The following SPR variants were observed in gnomAD, a reference collection of about 807,000 sequenced individuals.
SPR encodes Sepiapterin reductase (L-erythro-7,8-dihydrobiopterin forming).
Under a neutral mutation model 16.0 loss-of-function variants are expected in SPR, and 12 were observed. The observed-to-expected ratio is 0.75, with a 90% CI of 0.48 to 1.22. The LOEUF is 1.22. Ranked by LOEUF, SPR falls within the 50% of genes most tolerant of loss-of-function variation. The pLI is 0.00. For missense variants in SPR, 324 were observed against 344.4 expected, an observed-to-expected ratio of 0.94 and a Z score of 0.47; for synonymous variants, 177 against 168.5, an observed-to-expected ratio of 1.05 and a Z score of -0.39.
chr2:72,891,725 A>G lies in SPR; in HGVS notation c.*188A>G. The G allele has an allele frequency of 1.4e-6, 1 of 698,026 alleles. No individual in the cohort carries two copies. Among genetic ancestry groups the G allele is most frequent in the South Asian group, 1.7e-5 (1 of 60,362 alleles). The allele number at this position is 698,026 out of a possible 1,614,324, so 43.2% of individuals were successfully genotyped here. A position where few individuals can be genotyped will look rare whatever the true frequency, so the allele number is the denominator to read the frequency against. On this transcript the variant is annotated 3_prime_UTR_variant, in exon 3 of 3. Transcript: ENST00000234454. ...GTCATTGGCCTTACCAGTTGTCAGGAGTCTGTGCTGTGCACCCTGGGTTAT... is the reference window on the plus strand; with the variant it reads ...GTCATTGGCCTTACCAGTTGTCAGGGGTCTGTGCTGTGCACCCTGGGTTAT...
chr2:72,887,740 A>C lies in SPR; in HGVS notation c.304+4A>C. 1 of 1,510,102 alleles carries C rather than the reference A, an allele frequency of 6.6e-7. No homozygotes were observed. The highest frequency in any genetic ancestry group is 8.8e-7 in the Non-Finnish European group (1 of 1,135,830). 93.5% of individuals were successfully genotyped at this position (1,510,102 alleles called of 1,614,324 possible). A position where few individuals can be genotyped will look rare whatever the true frequency, so the allele number is the denominator to read the frequency against. ...CTGCTGCTTATCAACAACGCGGGTA[A>C]GACCCCGGGGCTGGAGCGGACTCCC... On this transcript the variant is annotated splice_donor_region_variant and intron_variant, in intron 1 of 2. Transcript: ENST00000234454.
At chr2:72,888,882 T>G (rs948733493) in intron 2 of SPR, among the ~76,000 whole-genome samples, 13 of 152,138 alleles carry the variant, frequency 8.5e-5, no homozygotes, top group Non-Finnish European at 1.9e-4. Context: ...GGGGTTTGAG[T>G]TCCAGGCCTT....
At chr2:72,891,044 G>C (rs546799427) in intron 2 of SPR, among the ~76,000 whole-genome samples, 2 of 152,300 alleles carry the variant, frequency 1.3e-5, no homozygotes, top group South Asian at 2.1e-4. Flanking sequence ...TCTGGGAAAA[G>C]AATACTTCAT....
Position 72,888,566 on chromosome 2 carries a change from T to A in SPR, c.557T>A (p.Leu186Gln), listed in dbSNP as rs1322684901. Residue 186 changes from leucine to glutamine, a missense_variant, in exon 2 of 3, where the codon CTG (leucine) becomes CAG (glutamine). Transcript: ENST00000234454. Reference sequence around the variant, plus strand: ...GATATGCTGTTCCAGGTCCTGGCGCTGGAGGAACCTAATGTGAGGGTGCTG... The same window carrying A: ...GATATGCTGTTCCAGGTCCTGGCGCAGGAGGAACCTAATGTGAGGGTGCTG... ...ARDMLFQVLALEEPNVRVLNY... is the reference protein window; with the variant it reads ...ARDMLFQVLAQEEPNVRVLNY... The A allele has an allele frequency of 3.8e-6, 6 of 1,597,074 alleles. No individual in the cohort carries two copies. The South Asian group carries it at 5.6e-5, about 15-fold the overall frequency.
intron 2 of SPR, among the ~76,000 whole-genome samples, chr2:72,890,417 C>T (rs1670600233): frequency 6.6e-6 from 1 of 152,250 alleles, no homozygotes; most frequent in Admixed American, 6.5e-5. Flanking sequence ...ATCTCGGCCA[C>T]TGCAAGCTCC....
rs2105240330 is a variant in SPR, at chr2:72,887,740, A to G, written c.304+4A>G. On this transcript the variant is annotated splice_donor_region_variant and intron_variant, in intron 1 of 2. Coordinates refer to ENST00000234454, the MANE Select transcript of SPR (RefSeq NM_003124.5). ...CTGCTGCTTATCAACAACGCGGGTA[A>G]GACCCCGGGGCTGGAGCGGACTCCC... is the stretch of plus-strand genomic sequence containing the variant. 6.6e-7 allele frequency: 1 copy of G among 1,510,102 alleles called. No homozygotes were observed. The highest frequency in any genetic ancestry group is 2.6e-5 in the East Asian group (1 of 38,506). The allele number at this position is 1,510,102 out of a possible 1,614,324, so 93.5% of individuals were successfully genotyped here. A position where few individuals can be genotyped will look rare whatever the true frequency, so the allele number is the denominator to read the frequency against.
rs1348965397 is a variant in SPR, at chr2:72,891,459, G to A, written c.708G>A (p.Val236=). Residue 236 remains valine, a synonymous_variant, in exon 3 of 3, where the codon GTG becomes GTA. Coordinates refer to ENST00000234454, the MANE Select transcript of SPR (RefSeq NM_003124.5). Reference sequence around the variant, plus strand: ...AGGGGAAGCTGGTGGATTGCAAGGTGTCAGCCCAGAAACTGCTGAGCTTAC... The same window carrying A: ...AGGGGAAGCTGGTGGATTGCAAGGTATCAGCCCAGAAACTGCTGAGCTTAC... ...KAKGKLVDCK[V]SAQKLLSLLE... The A allele has an allele frequency of 1.2e-6, 2 of 1,614,152 alleles. No individual in the cohort carries two copies. Among genetic ancestry groups the A allele is most frequent in the African/African-American group, 2.7e-5 (2 of 74,958 alleles).
At position 72,891,561 on chromosome 2, in the gene SPR, C is replaced by T. The variant is rs748970098; in HGVS notation, c.*24C>T. On this transcript the variant is annotated 3_prime_UTR_variant, in exon 3 of 3. Transcript: ENST00000234454. Reference sequence around the variant, plus strand: ...AAGCCCATGTTTTTGGCTTCCTGAACCTTTTTGCCCCCACTTTTAGACATA... The same window carrying T: ...AAGCCCATGTTTTTGGCTTCCTGAATCTTTTTGCCCCCACTTTTAGACATA... 3 of 1,613,930 alleles carry T rather than the reference C, an allele frequency of 1.9e-6. No homozygotes were observed. Among genetic ancestry groups the T allele is most frequent in the Middle Eastern group, 3.3e-4 (2 of 5,998 alleles).
Position 72,887,750 on chromosome 2 carries a change from G to A in SPR, c.304+14G>A. The stretch of plus-strand genomic sequence containing the variant: ...TCAACAACGCGGGTAAGACCCCGGG[G>A]CTGGAGCGGACTCCCCATGTGAGCG... On this transcript the variant is annotated intron_variant, in intron 1 of 2. Transcript: ENST00000234454. 6.7e-7 allele frequency: 1 copy of A among 1,503,056 alleles called. No individual in the cohort carries two copies. 93.1% of individuals were successfully genotyped at this position (1,503,056 alleles called of 1,614,324 possible).
chr2:72,888,549 G>A lies in SPR; in HGVS notation c.540G>A (p.Leu180=). The A allele has an allele frequency of 6.3e-7, 1 of 1,599,062 alleles. No homozygotes were observed. The highest frequency in any genetic ancestry group is 8.5e-7 in the Non-Finnish European group (1 of 1,171,152). Residue 180 remains leucine (L), a synonymous_variant, in exon 2 of 3, where the codon CTG becomes CTA. Transcript: ENST00000234454. ...CAGGAAAGGCTGCTCGTGATATGCT[G>A]TTCCAGGTCCTGGCGCTGGAGGAAC... ...YCAGKAARDM[L]FQVLALEEPN...
chr2:72,891,271 G>C, intron 2 of SPR, 76 bp from the exon 3 acceptor site: 2 of 1,531,298 alleles, frequency 1.3e-6, no homozygotes, highest in Non-Finnish European at 1.8e-6. Flanking sequence ...CCCCACCCCC[G>C]ACATAAAACA....
Position 72,891,669 on chromosome 2 carries a change from C to A in SPR, c.*132C>A. ...AGAAGCATTCATGCCTGCTGCCCTG[C>A]CCTCAGGCACAGCCAGCTGTGAGCT... On this transcript the variant is annotated 3_prime_UTR_variant, in exon 3 of 3. Transcript: ENST00000234454. The A allele has an allele frequency of 9.4e-7, 1 of 1,066,084 alleles. No individual in the cohort carries two copies. Among genetic ancestry groups the A allele is most frequent in the Non-Finnish European group, 1.4e-6 (1 of 718,500 alleles). The allele number at this position is 1,066,084 out of a possible 1,614,324, so 66.0% of individuals were successfully genotyped here.
intron 2 of SPR, among the ~76,000 whole-genome samples, chr2:72,889,170 T>G (rs1395978492): frequency 2.6e-5 from 4 of 152,166 alleles, no homozygotes; most frequent in Non-Finnish European, 4.4e-5. Context: ...AGACAGACTT[T>G]GTTGAGTGCT....
At chr2:72,888,245 A>G in intron 1 of SPR, 69 bp from the exon 2 acceptor site, 1 of 1,509,070 alleles carries the variant, frequency 6.6e-7, no homozygotes, top group Non-Finnish European at 9.2e-7. Flanking sequence ...TATCTGGAGG[A>G]ACTTGGGAGG....
intron 2 of SPR, 46 bp from the exon 3 acceptor site, chr2:72,891,301 C>T: frequency 6.2e-7 from 1 of 1,609,012 alleles, no homozygotes; most frequent in South Asian, 1.1e-5. Flanking sequence ...AACCTTCTGT[C>T]CCTGCCTTGG....
At chr2:72,888,682 C>G in intron 2 of SPR, 78 bp downstream of exon 2, 1 of 1,454,100 alleles carries the variant, frequency 6.9e-7, no homozygotes, top group Non-Finnish European at 9.2e-7. Flanking sequence ...CGGCCTAGTC[C>G]GCCCCCTCCA....
intron 2 of SPR, 124 bp from the exon 3 acceptor site, chr2:72,891,223 C>A: frequency 3.0e-6 from 3 of 1,010,362 alleles, no homozygotes; most frequent in Non-Finnish European, 4.5e-6. Flanking sequence ...CACATTTCAG[C>A]CAAGATGACG....
At chr2:72,888,992 G>T (rs1670582660) in intron 2 of SPR, among the ~76,000 whole-genome samples, 2 of 152,326 alleles carry the variant, frequency 1.3e-5, no homozygotes, top group Non-Finnish European at 2.9e-5. Context: ...GTGAAGTGTT[G>T]CCTCATTGTT....
At position 72,891,721 on chromosome 2, in the gene SPR, C is replaced by A; in HGVS notation, c.*184C>A. On this transcript the variant is annotated 3_prime_UTR_variant, in exon 3 of 3. Coordinates refer to ENST00000234454, the MANE Select transcript of SPR (RefSeq NM_003124.5). ...CCAGGTCATTGGCCTTACCAGTTGT[C>A]AGGAGTCTGTGCTGTGCACCCTGGG... is the stretch of plus-strand genomic sequence containing the variant. 1.4e-6 allele frequency: 1 copy of A among 714,782 alleles called. No homozygotes were observed. The highest frequency in any genetic ancestry group is 2.4e-6 in the Non-Finnish European group (1 of 414,406). 44.3% of individuals were successfully genotyped at this position (714,782 alleles called of 1,614,324 possible).
Sources: gnomAD v4.1 joint callset for allele counts (sites outside exome capture counted in the v4.1 genomes callset) on GRCh38, gnomAD v4.1.1 for gene constraint, MANE v1.5 for transcripts, NCBI Gene and HGNC (gene_info 2026-07-23, HGNC 2026-07-21) for gene names.